The following IKBKE variants were observed in gnomAD, a reference collection of about 807,000 sequenced individuals.
IKBKE encodes the protein inhibitor of nuclear factor kappa-B kinase subunit epsilon.
In IKBKE, 45 loss-of-function variants were observed where a neutral mutation model predicts 92.1. The observed-to-expected ratio is 0.49, with a 90% CI of 0.38 to 0.63. The LOEUF (loss-of-function observed/expected upper bound fraction) is 0.63. Among genes scored for constraint, IKBKE ranks in the 20% least tolerant of loss-of-function variants. The pLI, the probability that IKBKE is intolerant of heterozygous loss-of-function variation, is 0.00. For missense variants in IKBKE, 700 were observed against 932.8 expected, an observed-to-expected ratio of 0.75 and a Z score of 3.25; for synonymous variants, 374 against 380.3, an observed-to-expected ratio of 0.98 and a Z score of 0.19.
At chr1:206,486,440 A>T (rs1665666290) in intron 15 of IKBKE, among the ~76,000 whole-genome samples, 1 of 142,444 alleles carries the variant, frequency 7.0e-6, no homozygotes, top group South Asian at 2.1e-4. Context: ...CTTTTGGATG[A>T]AGGCTGCGGA....
At chr1:206,480,734 C>T (rs1342301649) in intron 13 of IKBKE, among the ~76,000 whole-genome samples, 1 of 152,200 alleles carries the variant, frequency 6.6e-6, no homozygotes, top group African/African-American at 2.4e-5. Context: ...AAAACCCAGT[C>T]CCTCACCTGC....
At chr1:206,492,460 A>T in intron 18 of IKBKE, 1 of 471,214 alleles carries the variant, frequency 2.1e-6, no homozygotes, top group Non-Finnish European at 4.4e-6. Context: ...TGCTTCTTCT[A>T]CTCCAACCCA....
chr1:206,490,813 C>A lies in IKBKE; in HGVS notation c.1694-6C>A. On this transcript the variant is annotated splice_region_variant and splice_polypyrimidine_tract_variant and intron_variant, in intron 16 of 21. Coordinates refer to ENST00000581977, the MANE Select transcript of IKBKE (RefSeq NM_014002.4). This position sits in a 1 kb window ranked among gnomAD's most constrained non-coding sequence, Gnocchi z 5.2. ...AGGTGACATCTGTTCTGTCTGTTTC[C>A]TCCAGGGCTTGGCTACAACGAGGAG... 6.2e-7 allele frequency: 1 copy of A among 1,614,098 alleles called. No individual in the cohort carries two copies. The highest frequency in any genetic ancestry group is 2.2e-5 in the East Asian group (1 of 44,880).
At chr1:206,486,111 G>C (rs974963119) in intron 15 of IKBKE, among the ~76,000 whole-genome samples, 9 of 152,236 alleles carry the variant, frequency 5.9e-5, no homozygotes, top group African/African-American at 2.2e-4. Flanking sequence ...ATCGAATGAG[G>C]CTCTTTATAG....
In IKBKE at chr1:206,478,398, T is replaced by C; in HGVS notation, c.992+59T>C. 6.5e-7 allele frequency: 1 copy of C among 1,535,052 alleles called. No individual in the cohort carries two copies. The highest frequency in any genetic ancestry group is 8.9e-7 in the Non-Finnish European group (1 of 1,120,042). On this transcript the variant is annotated intron_variant, in intron 9 of 21. Coordinates refer to ENST00000581977, the MANE Select transcript of IKBKE (RefSeq NM_014002.4). The surrounding 1 kb of genome is among the most constrained non-coding windows in gnomAD (Gnocchi z 4.8). ...CCTTCTCTACCCAAGCAGCAGTGCA[T>C]GTCCAAAGCAGCATCTCCCACAGTA... is the stretch of plus-strand genomic sequence containing the variant.
rs533571422 is a variant in IKBKE at position 206,477,511 on chromosome 1, G to C, written c.702-238G>C. Among the ~76,000 whole-genome samples the C allele has an allele frequency of 8.7e-3, 1,320 of 152,240 alleles. 18 individuals are homozygous for C. Among genetic ancestry groups the C allele is most frequent in the African/African-American group, 0.029 (1,201 of 41,528 alleles). On this transcript the variant is annotated intron_variant, in intron 7 of 21. Transcript: ENST00000581977. Reference sequence around the variant, plus strand: ...TGGCCAGGCTGAGGGAAGTGTAGCGGGGGGAGAGGCAGTGGACAGGGCAAA... The same window carrying C: ...TGGCCAGGCTGAGGGAAGTGTAGCGCGGGGAGAGGCAGTGGACAGGGCAAA...
chr1:206,495,602 G>A (rs1553391926), intron 21 of IKBKE, among the ~76,000 whole-genome samples: 1 of 152,154 alleles, frequency 6.6e-6, no homozygotes, highest in South Asian at 2.1e-4. Flanking sequence ...CCCACAAAGA[G>A]GACATTTGAC....
At chr1:206,491,522 C>T in intron 17 of IKBKE, 126 bp from the exon 18 acceptor site, 1 of 659,018 alleles carries the variant, frequency 1.5e-6, no homozygotes, top group Non-Finnish European at 2.8e-6. Context: ...CATAGCCCTG[C>T]TGTGGACGCA....
At chr1:206,477,669 C>T (rs1384327750) in intron 7 of IKBKE, 80 bp from the exon 8 acceptor site, 7 of 820,638 alleles carry the variant, frequency 8.5e-6, no homozygotes, top group Non-Finnish European at 1.4e-5. Flanking sequence ...ACCTGTGCTC[C>T]GAGCCCTTTG....
At position 206,490,922 on chromosome 1, in the gene IKBKE, T is replaced by C; in HGVS notation, c.1733+64T>C. Reference sequence around the variant, plus strand: ...GGTGGGTGTCCTCAGGGCAGAGCGATTCTCAACGCCAGAGGAGAGGCAGTG... The same window carrying C: ...GGTGGGTGTCCTCAGGGCAGAGCGACTCTCAACGCCAGAGGAGAGGCAGTG... On this transcript the variant is annotated intron_variant, in intron 17 of 21. Coordinates refer to ENST00000581977, the MANE Select transcript of IKBKE (RefSeq NM_014002.4). This position sits in a 1 kb window ranked among gnomAD's most constrained non-coding sequence, Gnocchi z 5.2. 3 of 1,452,062 alleles carry C rather than the reference T, an allele frequency of 2.1e-6. No homozygotes were observed. The highest frequency in any genetic ancestry group is 2.9e-6 in the Non-Finnish European group (3 of 1,033,970). The allele number at this position is 1,452,062 out of a possible 1,614,324, so 89.9% of individuals were successfully genotyped here.
At position 206,476,182 on chromosome 1, in the gene IKBKE, G is replaced by A. The variant is rs1389370837; in HGVS notation, c.360G>A (p.Val120=). The change falls in exon 6 of 22, where the codon GTG becomes GTA. Residue 120 remains valine, a splice_region_variant and synonymous_variant. Transcript: ENST00000581977. The surrounding 1 kb of genome is among the most constrained non-coding windows in gnomAD (Gnocchi z 5.1). The part of the protein sequence containing the change: ...DEFLVVLRCV[V]AGMNHLRENG... ...AGTGGCCTCCCCGTCTGTCCCCAGTGGCCGGCATGAACCACCTGCGGGAGA... is the reference window on the plus strand; with the variant it reads ...AGTGGCCTCCCCGTCTGTCCCCAGTAGCCGGCATGAACCACCTGCGGGAGA... 1 of 1,613,908 alleles carries A rather than the reference G, an allele frequency of 6.2e-7. No homozygotes were observed. Among genetic ancestry groups the A allele is most frequent in the African/African-American group, 1.3e-5 (1 of 74,902 alleles).
intron 2 of IKBKE, among the ~76,000 whole-genome samples, chr1:206,472,449 A>C (rs1443925948): frequency 6.6e-6 from 1 of 152,124 alleles, no homozygotes; most frequent in Non-Finnish European, 1.5e-5. Flanking sequence ...GAGGACAAAG[A>C]TGGGAAACAG....
intron 13 of IKBKE, among the ~76,000 whole-genome samples, chr1:206,484,255 T>C (rs1553387993): frequency 6.6e-6 from 1 of 152,184 alleles, no homozygotes; most frequent in Non-Finnish European, 1.5e-5. Context: ...CCTCCCAAAG[T>C]GCTGGGATTA....
In IKBKE at chr1:206,471,162, T is replaced by G. The variant is rs1223702691; in HGVS notation, c.-116T>G. On this transcript the variant is annotated 5_prime_UTR_variant, in exon 2 of 22. Coordinates refer to ENST00000581977, the MANE Select transcript of IKBKE (RefSeq NM_014002.4). Reference sequence around the variant, plus strand: ...CCTCCTCTTTCCGGTGTAGCTCAGCTCCTGGACGTGCCACAGACAGAAAGC... The same window carrying G: ...CCTCCTCTTTCCGGTGTAGCTCAGCGCCTGGACGTGCCACAGACAGAAAGC... The G allele has an allele frequency of 3.9e-5, 6 of 152,246 alleles. No individual in the cohort carries two copies. Among genetic ancestry groups the G allele is most frequent in the African/African-American group, 1.2e-4 (5 of 41,416 alleles). The allele number at this position is 152,246 out of a possible 1,614,324, so 9.4% of individuals were successfully genotyped here.
chr1:206,481,777 T>C (rs1298267120), intron 13 of IKBKE, among the ~76,000 whole-genome samples: 2 of 124,756 alleles, frequency 1.6e-5, no homozygotes, highest in Non-Finnish European at 3.4e-5. Flanking sequence ...TTTTTTTTTT[T>C]TTTTTTTTTT....
intron 12 of IKBKE, among the ~76,000 whole-genome samples, 159 bp downstream of exon 12, chr1:206,480,272 G>C (rs1243681324): frequency 7.7e-6 from 1 of 129,374 alleles, no homozygotes; most frequent in South Asian, 2.7e-4. Flanking sequence ...TGGGCAGAGA[G>C]GGGGAGGCGG....
chr1:206,484,145 ATTG>A (rs1665538272), intron 13 of IKBKE, among the ~76,000 whole-genome samples: 5 of 136,596 alleles, frequency 3.7e-5, no homozygotes, highest in Non-Finnish European at 6.5e-5. Context: ...ATTGTATTGT[ATTG>A]TATTGTATTG....
rs1246611216 is a variant in IKBKE at position 206,478,072 on chromosome 1, A to G, written c.813-88A>G. The G allele has an allele frequency of 2.3e-6, 2 of 884,428 alleles. No homozygotes were observed. Among genetic ancestry groups the G allele is most frequent in the African/African-American group, 3.4e-5 (2 of 59,594 alleles). 54.8% of individuals were successfully genotyped at this position (884,428 alleles called of 1,614,324 possible). A position where few individuals can be genotyped will look rare whatever the true frequency, so the allele number is the denominator to read the frequency against. ...ACCATCTTGGTCCTAGCTCTTCAGG[A>G]TATTCTCTTAGAACGCTCCTATTGC... On this transcript the variant is annotated intron_variant, in intron 8 of 21. Transcript: ENST00000581977. This position sits in a 1 kb window ranked among gnomAD's most constrained non-coding sequence, Gnocchi z 4.8.
At chr1:206,494,021 G>A in intron 21 of IKBKE, 30 bp downstream of exon 21, 1 of 1,602,482 alleles carries the variant, frequency 6.2e-7, no homozygotes, top group Non-Finnish European at 8.5e-7. Context: ...TGTAGGTCAG[G>A]GCCGGGTCTT....
Sources: gnomAD v4.1 joint callset for allele counts (sites outside exome capture counted in the v4.1 genomes callset) on GRCh38, gnomAD v4.1.1 for gene constraint, Gnocchi (gnomAD v3.1) non-coding constraint, MANE v1.5 for transcripts, NCBI Gene and HGNC (gene_info 2026-07-23, HGNC 2026-07-21) for gene names.